C19orf53: variants seen among roughly 807,000 people sequenced by gnomAD.
C19orf53 encodes the protein leydig cell tumor 10 kDa protein homolog.
A neutral mutation model predicts 6.5 loss-of-function variants in C19orf53; 9 were observed. The ratio of observed to expected loss-of-function variants is 1.38; its 90% CI spans 0.83 to 2.40. The LOEUF is 2.40. Among genes scored for constraint, C19orf53 ranks in the 30% most tolerant of loss-of-function variants. C19orf53 has a pLI of 0.00. For synonymous variants in C19orf53, 68 were observed against 52.5 expected (o/e 1.29, Z -1.27); for missense variants, 166 against 129.7 (o/e 1.28, Z -1.36).
At chr19:13,777,533 A>G (rs10409198) in intron 2 of C19orf53, among the ~76,000 whole-genome samples, 6,214 of 152,262 alleles carry the variant, frequency 0.041, 409 homozygotes, top group African/African-American at 0.14. Context: ...GTCCGTCGGA[A>G]CTCAGAATGG....
chr19:13,775,483 C>T (rs1974360389), intron 2 of C19orf53: 2 of 152,184 alleles, frequency 1.3e-5, no homozygotes, highest in South Asian at 2.1e-4. Flanking sequence ...ACAGGTTTCA[C>T]TATGCTGCTC....
At chr19:13,776,263 C>T (rs1974371229) in intron 2 of C19orf53, among the ~76,000 whole-genome samples, 1 of 151,284 alleles carries the variant, frequency 6.6e-6, no homozygotes, top group Admixed American at 6.6e-5. Context: ...CAGGCATGAG[C>T]CACTGTGCTC....
At chr19:13,776,321 T>A (rs1974372193) in intron 2 of C19orf53, among the ~76,000 whole-genome samples, 1 of 151,754 alleles carries the variant, frequency 6.6e-6, no homozygotes, top group Non-Finnish European at 1.5e-5. Flanking sequence ...CCGCCTCCCA[T>A]CTTCTTGGCC....
Position 13,778,225 on chromosome 19 carries a change from A to T in C19orf53, c.*27A>T. 6.4e-7 allele frequency: 1 copy of T among 1,554,758 alleles called. No individual in the cohort carries two copies. Among genetic ancestry groups the T allele is most frequent in the Non-Finnish European group, 8.7e-7 (1 of 1,147,146 alleles). On this transcript the variant is annotated 3_prime_UTR_variant, in exon 3 of 3. Transcript: ENST00000588234. Reference sequence around the variant, plus strand: ...GACGCTGGCCCCAGTGCAGGCCAACATCCCACCCCCTACCTCCATATGGGA... The same window carrying T: ...GACGCTGGCCCCAGTGCAGGCCAACTTCCCACCCCCTACCTCCATATGGGA...
Position 13,778,717 on chromosome 19 carries a change from G to A in C19orf53, c.*519G>A, listed in dbSNP as rs925073672. ...ACCAGAGTCAAGCTGGACATCAGTAGGTCAGATGCCACCTCACAGGACCAA... is the reference window on the plus strand; with the variant it reads ...ACCAGAGTCAAGCTGGACATCAGTAAGTCAGATGCCACCTCACAGGACCAA... On this transcript the variant is annotated 3_prime_UTR_variant, in exon 3 of 3. Coordinates refer to ENST00000588234, the MANE Select transcript of C19orf53 (RefSeq NM_014047.3). Among the ~76,000 whole-genome samples, 1 of 152,182 alleles carries A rather than the reference G, an allele frequency of 6.6e-6. No individual in the cohort carries two copies. Among genetic ancestry groups the A allele is most frequent in the Non-Finnish European group, 1.5e-5 (1 of 68,040 alleles).
At position 13,778,143 on chromosome 19, in the gene C19orf53, C is replaced by G. The variant is rs1974389102; in HGVS notation, c.245C>G (p.Ala82Gly). ...CCCAAGAAGCTGGCACTGCTGAAGG[C>G]CCCAGCCAAGAAGAAAGGGGCAGCT... is the stretch of plus-strand genomic sequence containing the variant. ...SLPKKLALLK[A>G]PAKKKGAAAA... is the part of the protein sequence containing the mutation. The change falls in exon 3 of 3, where the codon GCC (alanine) becomes GGC (glycine). Residue 82 changes from alanine to glycine, a missense_variant. Coordinates refer to ENST00000588234, the MANE Select transcript of C19orf53 (RefSeq NM_014047.3). 1 of 1,612,530 alleles carries G rather than the reference C, an allele frequency of 6.2e-7. No homozygotes were observed.
intron 2 of C19orf53, 131 bp downstream of exon 2, chr19:13,774,838 G>A: frequency 8.0e-7 from 1 of 1,252,516 alleles, no homozygotes; most frequent in African/African-American, 1.5e-5. Context: ...GGACGAGCTA[G>A]GAGCGAGGGG....
intron 2 of C19orf53, among the ~76,000 whole-genome samples, chr19:13,777,024 T>C (rs1974378411): frequency 6.6e-6 from 1 of 152,004 alleles, no homozygotes; most frequent in African/African-American, 2.4e-5. Context: ...CGGTCTGGGC[T>C]CACTGCAACC....
At position 13,774,550 on chromosome 19, in the gene C19orf53, A is replaced by G. The variant is rs779977463; in HGVS notation, c.73A>G (p.Lys25Glu). 1 of 1,614,026 alleles carries G rather than the reference A, an allele frequency of 6.2e-7. No individual in the cohort carries two copies. ...KSKTAAAASE[K>E]NRGPRKGGRV... ...TAAGACGGCAGCGGCAGCCTCTGAA[A>G]AGAATCGGGGCCCAAGAAAAGGCGG... is the stretch of plus-strand genomic sequence containing the variant. Residue 25 changes from lysine (K) to glutamate (E), a missense_variant, in exon 1 of 3, where the codon AAG becomes GAG. Coordinates refer to ENST00000588234, the MANE Select transcript of C19orf53 (RefSeq NM_014047.3).
In C19orf53 at chr19:13,778,320, A is replaced by T. The variant is rs1475954917; in HGVS notation, c.*122A>T. 1.8e-5 allele frequency: 22 copies of T among 1,251,072 alleles called. No homozygotes were observed. The highest frequency in any genetic ancestry group is 1.1e-6 in the Non-Finnish European group (1 of 942,758). The allele number at this position is 1,251,072 out of a possible 1,614,324, so 77.5% of individuals were successfully genotyped here. A position where few individuals can be genotyped will look rare whatever the true frequency, so the allele number is the denominator to read the frequency against. Reference sequence around the variant, plus strand: ...TGTCCCCCAGCACTGGGCTTCACCTAGAACTTCAGTGGGGGCCAAGGGTGC... The same window carrying T: ...TGTCCCCCAGCACTGGGCTTCACCTTGAACTTCAGTGGGGGCCAAGGGTGC... On this transcript the variant is annotated 3_prime_UTR_variant, in exon 3 of 3. Transcript: ENST00000588234.
At chr19:13,776,180 A>G (rs145655195) in intron 2 of C19orf53, among the ~76,000 whole-genome samples, 2,342 of 114,238 alleles carry the variant, frequency 0.021, 34 homozygotes, top group Non-Finnish European at 0.031. Context: ...GGGTTTCACT[A>G]TGTTGGCCAG....
intron 2 of C19orf53, 125 bp from the exon 3 acceptor site, chr19:13,777,927 A>T: frequency 1.7e-6 from 2 of 1,200,572 alleles, no homozygotes; most frequent in South Asian, 3.1e-5. Context: ...ACCCACAGTC[A>T]GGTGCGGTTC....
chr19:13,776,117 C>T (rs980593141), intron 2 of C19orf53, among the ~76,000 whole-genome samples: 31 of 141,580 alleles, frequency 2.2e-4, no homozygotes, highest in Non-Finnish European at 3.6e-4. Context: ...ACCACCACAC[C>T]GGGCTAATTT....
At chr19:13,774,785 G>A in intron 2 of C19orf53, 78 bp downstream of exon 2, 1 of 1,522,958 alleles carries the variant, frequency 6.6e-7, no homozygotes, top group South Asian at 1.2e-5. Flanking sequence ...GAGGGGGGAT[G>A]GGTGGAGCCC....
Position 13,778,063 on chromosome 19 carries a change from C to A in C19orf53, c.165C>A (p.Val55=), listed in dbSNP as rs34853004. Residue 55 remains valine (V), a synonymous_variant, in exon 3 of 3, where the codon GTC becomes GTA. Transcript: ENST00000588234. ...QQQKLKKNLE[V]GIRKKIEHDV... The stretch of plus-strand genomic sequence containing the variant: ...TGCTTCTCCCTCAGAACCTAGAAGT[C>A]GGAATCCGGAAGAAGATCGAACATG... 1.2e-6 allele frequency: 2 copies of A among 1,610,170 alleles called. No homozygotes were observed.
In C19orf53 at chr19:13,774,468, G is replaced by T. The variant is rs1974339271; in HGVS notation, c.-10G>T. ...CTCACAGTCCCGCCTCTTCCGCTGC[G>T]TGCCGGACCATGGCGCAGGGGCAGC... On this transcript the variant is annotated 5_prime_UTR_variant, in exon 1 of 3. Coordinates refer to ENST00000588234, the MANE Select transcript of C19orf53 (RefSeq NM_014047.3). 1 of 1,593,592 alleles carries T rather than the reference G, an allele frequency of 6.3e-7. No homozygotes were observed. Among genetic ancestry groups the T allele is most frequent in the Non-Finnish European group, 8.5e-7 (1 of 1,170,462 alleles).
chr19:13,774,600 G>A, intron 1 of C19orf53, 26 bp downstream of exon 1: 1 of 1,613,318 alleles, frequency 6.2e-7, no homozygotes, highest in Middle Eastern at 1.7e-4. Context: ...GGGACTTGGG[G>A]GCGAGGTGGA....
intron 2 of C19orf53, among the ~76,000 whole-genome samples, chr19:13,777,485 C>T (rs1040933870): frequency 6.6e-6 from 1 of 152,196 alleles, no homozygotes; most frequent in South Asian, 2.1e-4. Context: ...CTCAGCCTCG[C>T]AAAGTGCTGG....
Position 13,778,220 on chromosome 19 carries a change from C to G in C19orf53, c.*22C>G. On this transcript the variant is annotated 3_prime_UTR_variant, in exon 3 of 3. Coordinates refer to ENST00000588234, the MANE Select transcript of C19orf53 (RefSeq NM_014047.3). ...CTGAGGACGCTGGCCCCAGTGCAGG[C>G]CAACATCCCACCCCCTACCTCCATA... 3 of 1,563,810 alleles carry G rather than the reference C, an allele frequency of 1.9e-6. No individual in the cohort carries two copies. Among genetic ancestry groups the G allele is most frequent in the African/African-American group, 1.4e-5 (1 of 73,476 alleles).
Sources: allele counts gnomAD v4.1 joint callset (sites outside exome capture counted in the v4.1 genomes callset), GRCh38; gene constraint gnomAD v4.1.1; transcripts MANE v1.5; gene names NCBI Gene and HGNC (gene_info 2026-07-23, HGNC 2026-07-21).